NEDD1: variants seen among roughly 807,000 people sequenced by gnomAD.
NEDD1 encodes NEDD1 gamma-tubulin ring complex targeting factor.
Under a neutral mutation model 74.0 loss-of-function variants are expected in NEDD1, and 33 were observed. The ratio of observed to expected loss-of-function variants is 0.45; its 90% CI spans 0.34 to 0.60. The LOEUF (loss-of-function observed/expected upper bound fraction) is 0.60. Ranked by LOEUF, NEDD1 falls within the 20% of genes least tolerant of loss-of-function variation. The probability of loss-of-function intolerance (pLI) is 0.01; values close to 1 mark genes in which losing one functional copy is unlikely to be tolerated. For missense variants in NEDD1, 746 were observed against 776.5 expected, an observed-to-expected ratio of 0.96 and a Z score of 0.47; for synonymous variants, 250 against 264.4, an observed-to-expected ratio of 0.95 and a Z score of 0.53.
intron 3 of NEDD1, among the ~76,000 whole-genome samples, chr12:96,912,218 C>T (rs1873988056): frequency 6.6e-6 from 1 of 151,204 alleles, no homozygotes; most frequent in Non-Finnish European, 1.5e-5. Flanking sequence ...AAGATTGAAA[C>T]ATTCTATCAC....
chr12:96,950,172 C>A (rs1171170353), intron 14 of NEDD1, among the ~76,000 whole-genome samples: 1 of 151,790 alleles, frequency 6.6e-6, no homozygotes, highest in Non-Finnish European at 1.5e-5. Context: ...GGTATATGAA[C>A]ACAGGAAAGA....
rs779658606 is a variant in NEDD1 at position 96,945,821 on chromosome 12, A to G, written c.1783A>G (p.Met595Val). The G allele has an allele frequency of 6.2e-7, 1 of 1,611,970 alleles. No homozygotes were observed. Among genetic ancestry groups the G allele is most frequent in the Admixed American group, 1.7e-5 (1 of 59,996 alleles). Reference sequence around the variant, plus strand: ...CATTCAAATTCGTTTTATTCAGAACATGATACAGGAAACGTTGGATGACTT... The same window carrying G: ...CATTCAAATTCGTTTTATTCAGAACGTGATACAGGAAACGTTGGATGACTT... ...TSIQIRFIQN[M>V]IQETLDDFRE... Residue 595 changes from methionine (M) to valine (V), a missense_variant, in exon 14 of 16, where the codon ATG becomes GTG. Transcript: ENST00000266742.
At chr12:96,938,808 C>G (rs1413894446) in intron 9 of NEDD1, among the ~76,000 whole-genome samples, 1 of 122,692 alleles carries the variant, frequency 8.2e-6, no homozygotes, top group African/African-American at 3.1e-5. Context: ...CTCTTCCTCT[C>G]TCTGTCTCTC....
chr12:96,948,362 T>C (rs1410974008), intron 14 of NEDD1, among the ~76,000 whole-genome samples: 1 of 152,194 alleles, frequency 6.6e-6, no homozygotes, highest in African/African-American at 2.4e-5. Flanking sequence ...CAGTGTTTAC[T>C]TGGCTTTTAA....
Position 96,912,779 on chromosome 12 carries a change from A to G in NEDD1, c.193A>G (p.Lys65Glu), listed in dbSNP as rs1874053706. The G allele has an allele frequency of 6.2e-7, 1 of 1,610,044 alleles. No individual in the cohort carries two copies. The highest frequency in any genetic ancestry group is 8.5e-7 in the Non-Finnish European group (1 of 1,176,804). The change falls in exon 4 of 16, where the codon AAA (lysine) becomes GAA (glutamate). Residue 65 changes from lysine (K) to glutamate (E), a missense_variant. This residue lies in a region of NEDD1 where 706 missense variants were observed against 706.7 expected (regional missense o/e 1.00). Transcript: ENST00000266742. Reference protein sequence around the residue: ...SGDKIVVSSCKCKPVPLLELA... With the variant: ...SGDKIVVSSCECKPVPLLELA... ...CGACAAAATAGTTGTCTCAAGTTGC[A>G]AATGTAAACCTGTTCCACTTTTAGA...
At chr12:96,937,810 TTTC>T (rs1454382050) in intron 9 of NEDD1, among the ~76,000 whole-genome samples, 2 of 152,108 alleles carry the variant, frequency 1.3e-5, no homozygotes, top group Non-Finnish European at 2.9e-5. Flanking sequence ...TTTCTAATGA[TTTC>T]TTCTTCTCTC....
At chr12:96,907,475 C>A in intron 1 of NEDD1, 129 bp from the exon 2 acceptor site, 1 of 783,750 alleles carries the variant, frequency 1.3e-6, no homozygotes, top group Non-Finnish European at 2.2e-6. Context: ...TGGGAAGTGT[C>A]CGGGGAGGCG....
chr12:96,921,438 C>T (rs1875079749), intron 6 of NEDD1, among the ~76,000 whole-genome samples: 1 of 152,160 alleles, frequency 6.6e-6, no homozygotes, highest in South Asian at 2.1e-4. Context: ...CCCTCGGCCT[C>T]CCAAAGTGTT....
chr12:96,939,210 T>C (rs1310356789), intron 9 of NEDD1, among the ~76,000 whole-genome samples: 1 of 152,070 alleles, frequency 6.6e-6, no homozygotes, highest in Non-Finnish European at 1.5e-5. Context: ...AAACTTGTTA[T>C]TGGTACTTAG....
chr12:96,936,928 T>C (rs2136589488), intron 8 of NEDD1, 116 bp downstream of exon 8: 1 of 645,510 alleles, frequency 1.5e-6, no homozygotes, highest in South Asian at 2.5e-5. Context: ...ACATAATGAT[T>C]TTACATGTAA....
intron 6 of NEDD1, among the ~76,000 whole-genome samples, chr12:96,921,330 C>A (rs1239809308): frequency 6.6e-6 from 1 of 152,034 alleles, no homozygotes; most frequent in Non-Finnish European, 1.5e-5. Flanking sequence ...TACAGGCACC[C>A]ACCATCATGC....
Position 96,934,972 on chromosome 12 carries a change from A to G in NEDD1, c.490-4A>G, listed in dbSNP as rs180934258. 3.0e-4 allele frequency: 463 copies of G among 1,550,578 alleles called. No homozygotes were observed. Among genetic ancestry groups the G allele is most frequent in the Non-Finnish European group, 3.6e-4 (406 of 1,123,000 alleles). On this transcript the variant is annotated splice_region_variant and splice_polypyrimidine_tract_variant and intron_variant, in intron 6 of 15. Transcript: ENST00000266742. ...ACATAAAATTTATTCTTTCATTTTT[A>G]TAGTCTGTTCGGCACTTGAAGTACT...
chr12:96,916,318 A>G (rs945446857), intron 4 of NEDD1, among the ~76,000 whole-genome samples: 1 of 148,144 alleles, frequency 6.8e-6, no homozygotes, highest in Non-Finnish European at 1.5e-5. Context: ...GGTTAGTTAC[A>G]TACGTATACA....
intron 6 of NEDD1, among the ~76,000 whole-genome samples, chr12:96,922,465 A>G (rs1191986252): frequency 6.6e-6 from 1 of 152,206 alleles, no homozygotes; most frequent in Non-Finnish European, 1.5e-5. Flanking sequence ...TTTCAATACC[A>G]TAAAAATTAG....
At chr12:96,945,891 G>GTT in intron 14 of NEDD1, 42 bp downstream of exon 14, 73 of 1,143,554 alleles carry the variant, frequency 6.4e-5, no homozygotes, top group South Asian at 1.4e-4. Flanking sequence ...GACCTTACTT[G>GTT]TTTTTTTTTT....
intron 3 of NEDD1, among the ~76,000 whole-genome samples, chr12:96,910,287 A>G (rs1873781141): frequency 6.6e-6 from 1 of 152,208 alleles, no homozygotes; most frequent in Non-Finnish European, 1.5e-5. Context: ...GTATTTGTGG[A>G]TCTGAACTGA....
In NEDD1 at chr12:96,944,673, G is replaced by A. The variant is rs1878014932; in HGVS notation, c.1532G>A (p.Gly511Glu). 2 of 1,600,520 alleles carry A rather than the reference G, an allele frequency of 1.2e-6. No homozygotes were observed. The highest frequency in any genetic ancestry group is 2.7e-5 in the African/African-American group (2 of 74,376). ...AKLVTSGAES[G>E]NLNTSPSSNQ... ...TTGGTCACATCTGGTGCTGAAAGTG[G>A]AAATCTAAATACCTCTCCATCATCT... Residue 511 changes from glycine (G) to glutamate (E), a missense_variant, in exon 13 of 16, where the codon GGA becomes GAA. Physicochemically the swap from Gly to Glu is moderately conservative, Grantham distance 98 (BLOSUM62 -2). This residue lies in a region of NEDD1 where 706 missense variants were observed against 706.7 expected (regional missense o/e 1.00). Transcript: ENST00000266742.
At chr12:96,946,664 A>T (rs1878228332) in intron 14 of NEDD1, among the ~76,000 whole-genome samples, 1 of 152,230 alleles carries the variant, frequency 6.6e-6, no homozygotes, top group Admixed American at 6.5e-5. Context: ...ATGATCTGCC[A>T]CAAAGGCCTT....
At chr12:96,947,875 C>T (rs145520438) in intron 14 of NEDD1, among the ~76,000 whole-genome samples, 1 of 152,308 alleles carries the variant, frequency 6.6e-6, no homozygotes, top group Non-Finnish European at 1.5e-5. Context: ...CCCTGTGCTG[C>T]ATGTCTGCAC....
Sources: allele counts gnomAD v4.1 joint callset (sites outside exome capture counted in the v4.1 genomes callset), GRCh38; gene constraint gnomAD v4.1.1; regional missense constraint gnomAD v4.1.1; transcripts MANE v1.5; gene names NCBI Gene and HGNC (gene_info 2026-07-23, HGNC 2026-07-21).